Variants in TEKT3 observed in about 807,000 individuals in gnomAD.
The protein encoded by TEKT3 is tektin-3.
TEKT3 carries 49 observed loss-of-function variants against 49.8 expected under a neutral mutation model. The ratio of observed to expected loss-of-function variants is 0.98; its 90% CI spans 0.78 to 1.25. The LOEUF (loss-of-function observed/expected upper bound fraction) is 1.25, where lower values mean the gene tolerates loss of function less well. Among genes scored for constraint, TEKT3 ranks in the 50% most tolerant of loss-of-function variants. The pLI, the probability that TEKT3 is intolerant of heterozygous loss-of-function variation, is 0.00. For synonymous variants in TEKT3, 225 were observed against 237.2 expected (o/e 0.95, Z 0.47); for missense variants, 595 against 629.5 (o/e 0.95, Z 0.59).
At chr17:15,312,796 G>C (rs1910827374) in intron 6 of TEKT3, among the ~76,000 whole-genome samples, 1 of 152,182 alleles carries the variant, frequency 6.6e-6, no homozygotes, top group Non-Finnish European at 1.5e-5. Context: ...ATAAGCATAT[G>C]ACAAAATACT....
intron 8 of TEKT3, 108 bp downstream of exon 8, chr17:15,308,556 G>C: frequency 3.6e-6 from 5 of 1,405,166 alleles, no homozygotes; most frequent in Non-Finnish European, 4.8e-6. Context: ...CTCACAGAAG[G>C]CTCCTACATG....
At chr17:15,308,090 T>C (rs988091709) in intron 8 of TEKT3, among the ~76,000 whole-genome samples, 3 of 152,130 alleles carry the variant, frequency 2.0e-5, no homozygotes, top group Non-Finnish European at 4.4e-5. Context: ...ATGAAACACA[T>C]TGAAATAAAC....
At chr17:15,324,855 G>C (rs1171842332) in intron 4 of TEKT3, among the ~76,000 whole-genome samples, 1 of 152,144 alleles carries the variant, frequency 6.6e-6, no homozygotes, top group Non-Finnish European at 1.5e-5. Flanking sequence ...CTATTCCAAT[G>C]TCACGAATAT....
intron 8 of TEKT3, among the ~76,000 whole-genome samples, chr17:15,305,118 T>C (rs1260712665): frequency 6.6e-6 from 1 of 152,148 alleles, no homozygotes; most frequent in Non-Finnish European, 1.5e-5. Flanking sequence ...GGTAGAGAGT[T>C]GCCCAAGGTC....
In TEKT3 at chr17:15,304,135, T is replaced by C. The variant is rs1423249505; in HGVS notation, c.1274A>G (p.His425Arg). Residue 425 changes from histidine to arginine, a missense_variant, in exon 9 of 9, where the codon CAC becomes CGC. By Grantham distance (29) the His-to-Arg change is conservative. Coordinates refer to ENST00000395930, the MANE Select transcript of TEKT3 (RefSeq NM_031898.3). This position sits in a 1 kb window ranked among gnomAD's most constrained non-coding sequence, Gnocchi z 4.7. ...GGTCTGGATGGTGTCGTCAACCTCGTGTACCTCGTTAACAAGGCTGCAGCA... is the reference window on the plus strand; with the variant it reads ...GGTCTGGATGGTGTCGTCAACCTCGCGTACCTCGTTAACAAGGCTGCAGCA... ...MAQLRLVNEV[H>R]EVDDTIQTLQ... 1 of 1,613,678 alleles carries C rather than the reference T, an allele frequency of 6.2e-7. No homozygotes were observed. Among genetic ancestry groups the C allele is most frequent in the Non-Finnish European group, 8.5e-7 (1 of 1,179,930 alleles).
rs1217206219 is a variant in TEKT3, at chr17:15,328,058, T to A, written c.597A>T (p.Leu199=). The change falls in exon 4 of 9, where the codon CTA becomes CTT. Residue 199 remains leucine, a synonymous_variant. Coordinates refer to ENST00000395930, the MANE Select transcript of TEKT3 (RefSeq NM_031898.3). ...EAPLQVAREC[L]FHREKRMGID... ...TTCCCATTCTCTTTTCTCGATGAAATAGACATTCTCGGGCTACCTACAGAT... is the reference window on the plus strand; with the variant it reads ...TTCCCATTCTCTTTTCTCGATGAAAAAGACATTCTCGGGCTACCTACAGAT... 1.9e-6 allele frequency: 3 copies of A among 1,613,912 alleles called. No homozygotes were observed. Among genetic ancestry groups the A allele is most frequent in the Non-Finnish European group, 1.7e-6 (2 of 1,179,950 alleles).
At chr17:15,319,009 T>A (rs1911136794) in intron 5 of TEKT3, 68 bp downstream of exon 5, 1 of 1,307,562 alleles carries the variant, frequency 7.6e-7, no homozygotes, top group African/African-American at 1.5e-5. Flanking sequence ...AAGAGAAATT[T>A]CAATGAGGAG....
Position 15,312,436 on chromosome 17 carries a change from A to G in TEKT3, c.924T>C (p.Ile308=), listed in dbSNP as rs1158468372. ...CTGCCCGTTCACTCTGGGAGCGGAGAATATTGTCATCTGTAAATTTGGCCC... is the reference window on the plus strand; with the variant it reads ...CTGCCCGTTCACTCTGGGAGCGGAGGATATTGTCATCTGTAAATTTGGCCC... ...ESWAKFTDDN[I]LRSQSERAAS... Residue 308 remains isoleucine, a synonymous_variant, in exon 7 of 9, where the codon ATT becomes ATC. Coordinates refer to ENST00000395930, the MANE Select transcript of TEKT3 (RefSeq NM_031898.3). The G allele has an allele frequency of 1.9e-6, 3 of 1,614,026 alleles. No homozygotes were observed. The highest frequency in any genetic ancestry group is 1.3e-5 in the African/African-American group (1 of 74,912).
At chr17:15,339,915 T>C (rs1462159356) in intron 2 of TEKT3, 113 bp downstream of exon 2, 1 of 150,114 alleles carries the variant, frequency 6.7e-6, no homozygotes, top group Non-Finnish European at 1.5e-5. Context: ...GAAAACTTCA[T>C]CTCTTCAAAA....
At chr17:15,320,672 A>G (rs776145323) in intron 4 of TEKT3, among the ~76,000 whole-genome samples, 2 of 152,224 alleles carry the variant, frequency 1.3e-5, no homozygotes, top group Non-Finnish European at 2.9e-5. Flanking sequence ...GAATAAAGGA[A>G]GAGCTAAATT....
rs780909795 is a variant in TEKT3 at position 15,304,156 on chromosome 17, C to T, written c.1257-4G>A. The stretch of plus-strand genomic sequence containing the variant: ...CTCGTGTACCTCGTTAACAAGGCTG[C>T]AGCATAAAGGAATCAGCATGGTTAG... On this transcript the variant is annotated splice_polypyrimidine_tract_variant and splice_region_variant and intron_variant, in intron 8 of 8. Coordinates refer to ENST00000395930, the MANE Select transcript of TEKT3 (RefSeq NM_031898.3). This position sits in a 1 kb window ranked among gnomAD's most constrained non-coding sequence, Gnocchi z 4.7. 1.2e-6 allele frequency: 2 copies of T among 1,613,956 alleles called. No individual in the cohort carries two copies. The highest frequency in any genetic ancestry group is 1.7e-5 in the Admixed American group (1 of 59,992).
At position 15,304,068 on chromosome 17, in the gene TEKT3, C is replaced by T. The variant is rs763379728; in HGVS notation, c.1341G>A (p.Ser447=). 3.1e-6 allele frequency: 5 copies of T among 1,614,000 alleles called. No homozygotes were observed. Among genetic ancestry groups the T allele is most frequent in the East Asian group, 4.5e-5 (2 of 44,868 alleles). The change falls in exon 9 of 9, where the codon TCG becomes TCA. Residue 447 remains serine (S), a synonymous_variant. Transcript: ENST00000395930. The surrounding 1 kb of genome is among the most constrained non-coding windows in gnomAD (Gnocchi z 4.7). ...CGAGTGTGGCTTTGATGTGGACCAG[C>T]GACTGCAGGGTGTCCTCTGCATCCC... ...RLRDAEDTLQ[S]LVHIKATLEY...
upstream of TEKT3, chr17:15,341,601 GC>G (rs1330634468): frequency 6.6e-6 from 1 of 152,242 alleles, no homozygotes; most frequent in East Asian, 1.9e-4. Context: ...CTCGACTGGG[GC>G]CCAGACCAGT....
Position 15,306,103 on chromosome 17 carries a change from G to A in TEKT3, c.1257-1951C>T, listed in dbSNP as rs1382024133. On this transcript the variant is annotated intron_variant, in intron 8 of 8. Coordinates refer to ENST00000395930, the MANE Select transcript of TEKT3 (RefSeq NM_031898.3). ...TATTTATATATATGTGTGTGTGTGT[G>A]TGTGTGTGTGTGTGTGTGTGTGTGT... Among the ~76,000 whole-genome samples the A allele has an allele frequency of 7.0e-4, 104 of 148,654 alleles. 1 individual carries two copies. The highest frequency in any genetic ancestry group is 1.7e-3 in the South Asian group (8 of 4,692).
chr17:15,337,255 A>T (rs1424719105), intron 2 of TEKT3, among the ~76,000 whole-genome samples: 3 of 152,072 alleles, frequency 2.0e-5, no homozygotes, highest in Non-Finnish European at 4.4e-5. Context: ...CTGAGATAAA[A>T]ATGTTTTTGA....
chr17:15,321,048 C>G (rs554366093), intron 4 of TEKT3, among the ~76,000 whole-genome samples: 1 of 146,746 alleles, frequency 6.8e-6, no homozygotes, highest in Non-Finnish European at 1.5e-5. Flanking sequence ...CTTGCTCTAT[C>G]TCCCAGGCCG....
intron 7 of TEKT3, among the ~76,000 whole-genome samples, chr17:15,311,973 T>C (rs974120122): frequency 2.0e-5 from 3 of 152,244 alleles, no homozygotes; most frequent in Non-Finnish European, 4.4e-5. Flanking sequence ...AGCGATCCAT[T>C]AAACTTTAAT....
chr17:15,307,828 G>A (rs1182092240), intron 8 of TEKT3, among the ~76,000 whole-genome samples: 1 of 152,090 alleles, frequency 6.6e-6, no homozygotes, highest in Non-Finnish European at 1.5e-5. Flanking sequence ...GAATAGCAAT[G>A]ATGAAACCCA....
Position 15,311,321 on chromosome 17 carries a change from G to A in TEKT3, c.1101+938C>T, listed in dbSNP as rs1216123041. On this transcript the variant is annotated intron_variant, in intron 7 of 8. Coordinates refer to ENST00000395930, the MANE Select transcript of TEKT3 (RefSeq NM_031898.3). The stretch of plus-strand genomic sequence containing the variant: ...GTAGGCAACATGGCTCATGGTGCAA[G>A]GTTCTTAAAAAGAAGAAACAACATT... The A allele has an allele frequency of 1.3e-5, 2 of 152,154 alleles. 1 individual carries two copies. The highest frequency in any genetic ancestry group is 2.9e-5 in the Non-Finnish European group (2 of 68,032). 9.4% of individuals were successfully genotyped at this position (152,154 alleles called of 1,614,324 possible).
Sources: gnomAD v4.1 joint callset for allele counts (sites outside exome capture counted in the v4.1 genomes callset) on GRCh38, gnomAD v4.1.1 for gene constraint, Gnocchi (gnomAD v3.1) non-coding constraint, MANE v1.5 for transcripts, NCBI Gene and HGNC (gene_info 2026-07-23, HGNC 2026-07-21) for gene names.